Variants in APOL2 observed in about 807,000 individuals in gnomAD.
The protein encoded by APOL2 is apolipoprotein L2.
A neutral mutation model predicts 7.1 loss-of-function variants in APOL2; 8 were observed. The ratio of observed to expected loss-of-function variants is 1.12; its 90% confidence interval spans 0.66 to 2.03. APOL2 has a LOEUF of 2.03. APOL2 is among the 30% of genes most tolerant of loss of function. The pLI is 0.00. For synonymous variants in APOL2, 177 were observed against 159.9 expected (o/e 1.11, Z -0.81); for missense variants, 471 against 415.1 (o/e 1.13, Z -1.17).
chr22:36,233,422 C>T lies in APOL2; in HGVS notation c.-100G>A. On this transcript the variant is annotated 5_prime_UTR_variant, in exon 2 of 5. Transcript: ENST00000358502. ...CTCACCTCGTTCCAGCTTCCTCTTC[C>T]CTCACTCTCACACCAAGGCAGGGTC... 6.4e-7 allele frequency: 1 copy of T among 1,551,368 alleles called. No individual in the cohort carries two copies. Among genetic ancestry groups the T allele is most frequent in the South Asian group, 1.2e-5 (1 of 84,390 alleles).
intron 1 of APOL2, chr22:36,237,216 C>G (rs1179811439): frequency 7.2e-7 from 1 of 1,385,316 alleles, no homozygotes; most frequent in African/African-American, 1.5e-5. Context: ...CATGGGTGAG[C>G]CTGCAGGCTG....
At chr22:36,235,254 T>G (rs1318092221) in intron 1 of APOL2, among the ~76,000 whole-genome samples, 2 of 152,196 alleles carry the variant, frequency 1.3e-5, no homozygotes, top group East Asian at 1.9e-4. Context: ...ATCTTTGTAT[T>G]CTGACACTTC....
rs746625417 is a variant in APOL2 at position 36,228,102 on chromosome 22, C to T, written c.316G>A (p.Val106Ile). The T allele has an allele frequency of 1.2e-6, 2 of 1,614,124 alleles. No homozygotes were observed. Among genetic ancestry groups the T allele is most frequent in the East Asian group, 2.2e-5 (1 of 44,900 alleles). ...GTGGTGCCTCTGTGGACCTGCTCAA[C>T]CTCCTCTGCAAGGGCACGGAGCTTC... ...IRKLRALAEE[V>I]EQVHRGTTIA... Residue 106 changes from valine (V) to isoleucine (I), a missense_variant, in exon 5 of 5, where the codon GTT (valine) becomes ATT (isoleucine). By Grantham distance (29) the Val-to-Ile change is conservative. Coordinates refer to ENST00000358502, the MANE Select transcript of APOL2 (RefSeq NM_030882.4).
intron 1 of APOL2, chr22:36,236,807 G>T: frequency 8.9e-7 from 1 of 1,123,928 alleles, no homozygotes; most frequent in Non-Finnish European, 1.1e-6. Flanking sequence ...CCCCTACGCA[G>T]CAAGACTAAA....
In APOL2 at chr22:36,233,402, C is replaced by G. The variant is rs570728336; in HGVS notation, c.-80G>C. On this transcript the variant is annotated splice_region_variant and 5_prime_UTR_variant, in exon 2 of 5. Transcript: ENST00000358502. ...CCAGCTAGTATTTACAGAAACTCAC[C>G]TCGTTCCAGCTTCCTCTTCCCTCAC... 5.2e-6 allele frequency: 8 copies of G among 1,552,116 alleles called. No individual in the cohort carries two copies. The highest frequency in any genetic ancestry group is 2.4e-5 in the South Asian group (2 of 84,670).
At chr22:36,234,568 G>T (rs2015337962) in intron 1 of APOL2, among the ~76,000 whole-genome samples, 1 of 152,086 alleles carries the variant, frequency 6.6e-6, no homozygotes, top group South Asian at 2.1e-4. Flanking sequence ...GGGAGGTGAG[G>T]GAAAATAGCA....
At chr22:36,239,836 C>T (rs2015541395), upstream of APOL2, 1 of 330,662 alleles carries the variant, frequency 3.0e-6, no homozygotes, top group Non-Finnish European at 5.7e-6. Flanking sequence ...CCATCTGAGC[C>T]GCTTGCCCCC....
intron 4 of APOL2, among the ~76,000 whole-genome samples, chr22:36,230,006 T>G (rs1411923890): frequency 6.6e-6 from 1 of 152,228 alleles, no homozygotes; most frequent in African/African-American, 2.4e-5. Flanking sequence ...GTCACCAGCC[T>G]AACTGATGCC....
At chr22:36,239,089 T>C in intron 1 of APOL2, 1 of 1,146,592 alleles carries the variant, frequency 8.7e-7, no homozygotes, top group African/African-American at 1.6e-5. Flanking sequence ...TCCACCTTCT[T>C]TGATTCCTTC....
chr22:36,236,803 C>G, intron 1 of APOL2: 2 of 1,116,608 alleles, frequency 1.8e-6, no homozygotes, highest in East Asian at 4.5e-5. Context: ...GGGGCCCCTA[C>G]GCAGCAAGAC....
chr22:36,239,894 A>G, upstream of APOL2: 1 of 212,590 alleles, frequency 4.7e-6, no homozygotes, highest in Non-Finnish European at 9.5e-6. Context: ...CAGGTGGGGG[A>G]GAGAAGTCAG....
chr22:36,230,359 C>G (rs1485888667), intron 4 of APOL2, among the ~76,000 whole-genome samples: 1 of 152,178 alleles, frequency 6.6e-6, no homozygotes, highest in Non-Finnish European at 1.5e-5. Context: ...GAGACACAGG[C>G]TACCATGACC....
At chr22:36,230,057 GTGCAAT>G in intron 4 of APOL2, among the ~76,000 whole-genome samples, 1 of 152,258 alleles carries the variant, frequency 6.6e-6, no homozygotes, top group South Asian at 2.1e-4. Context: ...GCAAGGCCAT[GTGCAAT>G]TTTATGGAAC....
Position 36,227,789 on chromosome 22 carries a change from A to T in APOL2, c.629T>A (p.Val210Asp), listed in dbSNP as rs1240145128. 1 of 1,614,254 alleles carries T rather than the reference A, an allele frequency of 6.2e-7. No homozygotes were observed. The highest frequency in any genetic ancestry group is 1.1e-5 in the South Asian group (1 of 91,086). Residue 210 changes from valine (V) to aspartate (D), a missense_variant, in exon 5 of 5, where the codon GTT becomes GAT. By Grantham distance (152) the Val-to-Asp change is radical. Coordinates refer to ENST00000358502, the MANE Select transcript of APOL2 (RefSeq NM_030882.4). ...TTGTGTGACTTGGTACCAATTGTCA[A>T]CTAAGGTAAGAACATTGGGTGTGTT... ...GGNTPNVLTL[V>D]DNWYQVTQGI...
At chr22:36,235,471 T>C (rs2015364689) in intron 1 of APOL2, among the ~76,000 whole-genome samples, 1 of 152,122 alleles carries the variant, frequency 6.6e-6, no homozygotes. Context: ...TTAAAAAATA[T>C]TTTATTCATA....
At chr22:36,239,645 A>G (rs373931579), upstream of APOL2, 52 of 731,844 alleles carry the variant, frequency 7.1e-5, 1 homozygote, top group Non-Finnish European at 1.1e-4. Flanking sequence ...CCCCAGCACC[A>G]CCTGCAGTCC....
intron 2 of APOL2, 75 bp downstream of exon 2, chr22:36,233,327 C>G (rs2015294533): frequency 6.3e-7 from 1 of 1,587,504 alleles, no homozygotes. Flanking sequence ...CTTTGCAGAT[C>G]CCTCTGTGGT....
chr22:36,227,180 G>A lies in APOL2; in HGVS notation c.*224C>T. 2 of 458,010 alleles carry A rather than the reference G, an allele frequency of 4.4e-6. No homozygotes were observed. Among genetic ancestry groups the A allele is most frequent in the East Asian group, 7.5e-5 (2 of 26,682 alleles). The allele number at this position is 458,010 out of a possible 1,614,324, so 28.4% of individuals were successfully genotyped here. A position where few individuals can be genotyped will look rare whatever the true frequency, so the allele number is the denominator to read the frequency against. On this transcript the variant is annotated 3_prime_UTR_variant, in exon 5 of 5. Coordinates refer to ENST00000358502, the MANE Select transcript of APOL2 (RefSeq NM_030882.4). Reference sequence around the variant, plus strand: ...AATACAAAAAAATTAGCCGGGCGTGGTGGCAGGTGCCTGTAGTCCCAGCTA... The same window carrying A: ...AATACAAAAAAATTAGCCGGGCGTGATGGCAGGTGCCTGTAGTCCCAGCTA...
At chr22:36,239,150 C>A in intron 1 of APOL2, 1 of 1,220,176 alleles carries the variant, frequency 8.2e-7, no homozygotes, top group Non-Finnish European at 1.0e-6. Context: ...CTTCTGGGGT[C>A]AGCTGGCCGT....
Sources: gnomAD v4.1 joint callset for allele counts (sites outside exome capture counted in the v4.1 genomes callset) on GRCh38, gnomAD v4.1.1 for gene constraint, MANE v1.5 for transcripts, NCBI Gene and HGNC (gene_info 2026-07-23, HGNC 2026-07-21) for gene names.